Variants in CACNA2D3 observed in about 807,000 individuals in gnomAD.
CACNA2D3 encodes the protein voltage-dependent calcium channel subunit alpha-2/delta-3.
In CACNA2D3, 60 loss-of-function variants were observed where a neutral mutation model predicts 160.6. That is an observed-to-expected ratio of 0.37 (90% confidence interval 0.30 to 0.46). The LOEUF (loss-of-function observed/expected upper bound fraction) is 0.46, where lower values mean the gene tolerates loss of function less well. Ranked by LOEUF, CACNA2D3 falls within the 20% of genes least tolerant of loss-of-function variation. The pLI is 1.00. For missense variants in CACNA2D3, 1,205 were observed against 1,365.0 expected, an observed-to-expected ratio of 0.88 and a Z score of 1.85; for synonymous variants, 558 against 492.9, an observed-to-expected ratio of 1.13 and a Z score of -1.75.
At chr3:54,602,497 CAAAAAAAAAAAAA>C (rs1156290031) in intron 9 of CACNA2D3, among the ~76,000 whole-genome samples, 1 of 71,212 alleles carries the variant, frequency 1.4e-5, no homozygotes, top group Admixed American at 1.8e-4. Flanking sequence ...GATTCCATCT[CAAAAAAAAAAAAA>C]AAAAAAAAAA....
chr3:54,808,264 A>G (rs1386523498), intron 13 of CACNA2D3, among the ~76,000 whole-genome samples: 2 of 152,204 alleles, frequency 1.3e-5, no homozygotes, highest in African/African-American at 2.4e-5. Context: ...AGATGCCCCA[A>G]TAGCTTATAC....
chr3:54,450,649 C>G (rs1575461444), intron 4 of CACNA2D3, among the ~76,000 whole-genome samples: 1 of 152,268 alleles, frequency 6.6e-6, no homozygotes, highest in African/African-American at 2.4e-5. Context: ...CTTGCTTCCT[C>G]TCTCAGCATG....
At chr3:54,790,760 A>G (rs559781652) in intron 13 of CACNA2D3, among the ~76,000 whole-genome samples, 2 of 152,236 alleles carry the variant, frequency 1.3e-5, no homozygotes, top group South Asian at 4.1e-4. Flanking sequence ...CTGAGCCCCT[A>G]GTGACTCACT....
intron 4 of CACNA2D3, among the ~76,000 whole-genome samples, chr3:54,442,818 C>G (rs996914605): frequency 6.6e-6 from 1 of 152,168 alleles, no homozygotes; most frequent in Non-Finnish European, 1.5e-5. Context: ...TCAGCCAGGT[C>G]TTCTGAGAAA....
chr3:55,043,013 G>C (rs1703990913), intron 35 of CACNA2D3, among the ~76,000 whole-genome samples: 1 of 152,110 alleles, frequency 6.6e-6, no homozygotes, highest in South Asian at 2.1e-4. Context: ...CCAGTAGAAG[G>C]ACATTTGGAC....
chr3:54,969,261 A>ATTT (rs139722160), intron 28 of CACNA2D3, among the ~76,000 whole-genome samples: 1,707 of 127,788 alleles, frequency 0.013, 61 homozygotes, highest in African/African-American at 0.045. Context: ...CATAAAGTAG[A>ATTT]CTTTTTTTTT....
chr3:54,128,757 T>C (rs1413512248), intron 2 of CACNA2D3, among the ~76,000 whole-genome samples: 1 of 152,222 alleles, frequency 6.6e-6, no homozygotes, highest in East Asian at 1.9e-4. Context: ...GCAGATTGTG[T>C]GTTCCCTGGG....
At chr3:54,230,391 C>G (rs1265454439) in intron 2 of CACNA2D3, among the ~76,000 whole-genome samples, 1 of 152,088 alleles carries the variant, frequency 6.6e-6, no homozygotes, top group Non-Finnish European at 1.5e-5. Flanking sequence ...GTTTTGCAAC[C>G]TCATAAGAAT....
intron 31 of CACNA2D3, among the ~76,000 whole-genome samples, chr3:54,988,542 A>T (rs1167203341): frequency 6.6e-6 from 1 of 152,214 alleles, no homozygotes; most frequent in African/African-American, 2.4e-5. Context: ...TTTAATGGGC[A>T]TATTTGATGC....
intron 13 of CACNA2D3, among the ~76,000 whole-genome samples, chr3:54,804,624 T>C (rs929435662): frequency 7.9e-5 from 12 of 152,066 alleles, no homozygotes; most frequent in South Asian, 2.1e-4. Context: ...ACCCCACTGT[T>C]AATATTAGAC....
intron 8 of CACNA2D3, among the ~76,000 whole-genome samples, chr3:54,571,316 C>A (rs1212301864): frequency 6.6e-6 from 1 of 152,086 alleles, no homozygotes; most frequent in Non-Finnish European, 1.5e-5. Context: ...TGTTGATGTT[C>A]ATGCCGGAGA....
chr3:54,660,963 G>A (rs773699441), intron 11 of CACNA2D3, among the ~76,000 whole-genome samples: 23 of 152,310 alleles, frequency 1.5e-4, no homozygotes, highest in Middle Eastern at 6.8e-3. Flanking sequence ...GGCCTCTTTG[G>A]GGGAGGCTTG....
At position 54,626,451 on chromosome 3, in the gene CACNA2D3, G is replaced by A. The variant is rs924318022; in HGVS notation, c.964-1336G>A. 5.6e-6 allele frequency: 9 copies of A among 1,597,112 alleles called. No individual in the cohort carries two copies. The East Asian group carries it at 1.1e-4, about 20-fold the overall frequency. Reference sequence around the variant, plus strand: ...AGCCGGAAGTGGTGAAGACGCACCTGCGTGACGTGATCATCCTGCCCGAGA... The same window carrying A: ...AGCCGGAAGTGGTGAAGACGCACCTACGTGACGTGATCATCCTGCCCGAGA... On this transcript the variant is annotated intron_variant, in intron 9 of 37. Transcript: ENST00000474759.
intron 3 of CACNA2D3, among the ~76,000 whole-genome samples, chr3:54,380,107 A>G (rs775212566): frequency 1.3e-5 from 2 of 152,208 alleles, no homozygotes; most frequent in Non-Finnish European, 2.9e-5. Flanking sequence ...TATTTCTCCA[A>G]TGTAACAGTT....
chr3:54,458,960 C>T (rs1309099702), intron 4 of CACNA2D3, among the ~76,000 whole-genome samples: 2 of 151,952 alleles, frequency 1.3e-5, no homozygotes. Flanking sequence ...GTGTGATGTT[C>T]CCCTTCCTGT....
intron 13 of CACNA2D3, among the ~76,000 whole-genome samples, chr3:54,803,248 G>A (rs539720719): frequency 1.2e-4 from 19 of 152,304 alleles, no homozygotes; most frequent in Admixed American, 1.0e-3. Flanking sequence ...GGCTTCAGAC[G>A]ATCAAACTAC....
chr3:54,884,591 C>T (rs1699881118), intron 21 of CACNA2D3, among the ~76,000 whole-genome samples: 1 of 152,154 alleles, frequency 6.6e-6, no homozygotes, highest in African/African-American at 2.4e-5. Flanking sequence ...AAGATCAAGC[C>T]ATGTGAAAGT....
At chr3:54,578,284 G>A (rs1702619550) in intron 8 of CACNA2D3, among the ~76,000 whole-genome samples, 1 of 152,212 alleles carries the variant, frequency 6.6e-6, no homozygotes, top group East Asian at 1.9e-4. Context: ...TAGGGATCAA[G>A]GAGAGCCATT....
intron 2 of CACNA2D3, among the ~76,000 whole-genome samples, chr3:54,179,339 C>G (rs935821931): frequency 2.6e-5 from 4 of 152,188 alleles, no homozygotes; most frequent in African/African-American, 9.7e-5. Flanking sequence ...GGCAGTCTTG[C>G]TCTCTTCTGG....
Sources: allele counts gnomAD v4.1 joint callset (sites outside exome capture counted in the v4.1 genomes callset), GRCh38; gene constraint gnomAD v4.1.1; transcripts MANE v1.5; gene names NCBI Gene and HGNC (gene_info 2026-07-23, HGNC 2026-07-21).